The following PLEKHA6 variants were observed in gnomAD, a reference collection of about 807,000 sequenced individuals.
PLEKHA6 encodes pleckstrin homology domain containing A6, also known as pleckstrin homology domain-containing family A member 6.
In PLEKHA6, 60 loss-of-function variants were observed where a neutral mutation model predicts 116.7. The ratio of observed to expected loss-of-function variants is 0.51; its 90% CI spans 0.42 to 0.64. The LOEUF is 0.64. Among genes scored for constraint, PLEKHA6 ranks in the 30% least tolerant of loss-of-function variants. The probability of loss-of-function intolerance (pLI) is 0.00; values close to 1 mark genes in which losing one functional copy is unlikely to be tolerated. For missense variants in PLEKHA6, 1,338 were observed against 1,422.7 expected (o/e 0.94, Z 0.96); for synonymous variants, 489 against 556.1 (o/e 0.88, Z 1.70).
chr1:204,295,290 G>A (rs954425888), intron 1 of PLEKHA6, among the ~76,000 whole-genome samples: 1 of 152,072 alleles, frequency 6.6e-6, no homozygotes, highest in Non-Finnish European at 1.5e-5. Flanking sequence ...TGGAGTTCAA[G>A]TACAGCCTGG....
intron 9 of PLEKHA6, 30 bp from the exon 10 acceptor site, chr1:204,250,644 CA>C: frequency 6.6e-7 from 1 of 1,520,714 alleles, no homozygotes; most frequent in Non-Finnish European, 9.1e-7. Context: ...GTTACTGCAG[CA>C]GGGGCAGGAT....
intron 1 of PLEKHA6, among the ~76,000 whole-genome samples, chr1:204,315,536 G>A (rs1671826359): frequency 6.6e-6 from 1 of 152,064 alleles, no homozygotes; most frequent in African/African-American, 2.4e-5. Context: ...CCGTGTTAGG[G>A]CTGAGCTCAA....
At chr1:204,348,124 C>G (rs1035684281) in intron 1 of PLEKHA6, among the ~76,000 whole-genome samples, 10 of 152,188 alleles carry the variant, frequency 6.6e-5, no homozygotes, top group African/African-American at 2.4e-4. Context: ...AATAACAAAT[C>G]AAGAGCCTGG....
In PLEKHA6 at chr1:204,359,873, TG is replaced by T; in HGVS notation, c.-275del. The T allele has an allele frequency of 5.9e-6, 1 of 168,124 alleles. No homozygotes were observed. The highest frequency in any genetic ancestry group is 1.2e-5 in the Non-Finnish European group (1 of 82,464). 10.4% of individuals were successfully genotyped at this position (168,124 alleles called of 1,614,324 possible). A position where few individuals can be genotyped will look rare whatever the true frequency, so the allele number is the denominator to read the frequency against. Reference sequence around the variant, plus strand: ...GTCATCTCTCCGGCTGGCAGGTCCCTGGCGCAGGGAGAGGATGCTGTTGTGG... The same window carrying T: ...GTCATCTCTCCGGCTGGCAGGTCCCTGCGCAGGGAGAGGATGCTGTTGTGG... On this transcript the variant is annotated 5_prime_UTR_variant, in exon 1 of 23. The change creates a premature stop within an existing upstream ORF in the 5' untranslated region. Coordinates refer to ENST00000272203, the MANE Select transcript of PLEKHA6 (RefSeq NM_014935.5).
chr1:204,265,068 G>GGGGT (rs368865278), intron 5 of PLEKHA6, 26 bp from the exon 6 acceptor site: 2 of 1,308,878 alleles, frequency 1.5e-6, no homozygotes, highest in Non-Finnish European at 2.2e-6. Context: ...GCACAAGAAG[G>GGGGT]GTGTGTGTGT....
At chr1:204,338,076 C>A (rs1672716056) in intron 1 of PLEKHA6, among the ~76,000 whole-genome samples, 1 of 152,210 alleles carries the variant, frequency 6.6e-6, no homozygotes, top group Non-Finnish European at 1.5e-5. Context: ...AGAGGTTAAG[C>A]CTACAGAAGG....
rs1194660111 is a variant in PLEKHA6, at chr1:204,261,609, G to A, written c.382-161C>T. On this transcript the variant is annotated intron_variant, in intron 6 of 22. Transcript: ENST00000272203. The surrounding 1 kb of genome is among the most constrained non-coding windows in gnomAD (Gnocchi z 4.0). Reference sequence around the variant, plus strand: ...ATGCGGAGCTCAGGAGCAAGGTGAAGAGGGCAGCTTGCAGCTACCCCGAGG... The same window carrying A: ...ATGCGGAGCTCAGGAGCAAGGTGAAAAGGGCAGCTTGCAGCTACCCCGAGG... 4 of 767,968 alleles carry A rather than the reference G, an allele frequency of 5.2e-6. No homozygotes were observed. The highest frequency in any genetic ancestry group is 3.9e-4 in the Middle Eastern group (1 of 2,592). The allele number at this position is 767,968 out of a possible 1,614,324, so 47.6% of individuals were successfully genotyped here. A position where few individuals can be genotyped will look rare whatever the true frequency, so the allele number is the denominator to read the frequency against.
intron 1 of PLEKHA6, among the ~76,000 whole-genome samples, chr1:204,352,231 C>T (rs902143634): frequency 8.6e-5 from 13 of 151,516 alleles, no homozygotes; most frequent in African/African-American, 3.2e-4. Flanking sequence ...AAAATTAGCC[C>T]GGCATGGTGG....
chr1:204,359,650 T>C, intron 1 of PLEKHA6, 44 bp downstream of exon 1: 1 of 984,936 alleles, frequency 1.0e-6, no homozygotes, highest in Non-Finnish European at 1.2e-6. Context: ...AGCCCAGCCT[T>C]CCTCCTCCCA....
In PLEKHA6 at chr1:204,230,534, A is replaced by G; in HGVS notation, c.2462T>C (p.Val821Ala). The G allele has an allele frequency of 6.2e-7, 1 of 1,600,640 alleles. No individual in the cohort carries two copies. Among genetic ancestry groups the G allele is most frequent in the Non-Finnish European group, 8.5e-7 (1 of 1,173,988 alleles). The change falls in exon 18 of 23, where the codon GTG (valine) becomes GCG (alanine). Residue 821 changes from valine to alanine, a missense_variant. Val to Ala is a moderately conservative substitution (Grantham distance 64). Coordinates refer to ENST00000272203, the MANE Select transcript of PLEKHA6 (RefSeq NM_014935.5). ...FPGEGKVKMS[V>A]EEQIDRMRRH... ...CCGCATTCGGTCAATCTGCTCCTCCACGCTCATCTTGACCTTCCCCTCGCC... is the reference window on the plus strand; with the variant it reads ...CCGCATTCGGTCAATCTGCTCCTCCGCGCTCATCTTGACCTTCCCCTCGCC...
At chr1:204,372,913 CTTT>C (rs58973900) in intron 1 of PLEKHA6, among the ~76,000 whole-genome samples, 35 of 132,526 alleles carry the variant, frequency 2.6e-4, no homozygotes, top group Non-Finnish European at 2.0e-4. Flanking sequence ...CCCTGAAAAA[CTTT>C]TTTTTTTTTT....
At chr1:204,342,121 G>T (rs780870309) in intron 1 of PLEKHA6, among the ~76,000 whole-genome samples, 1 of 152,066 alleles carries the variant, frequency 6.6e-6, no homozygotes, top group Non-Finnish European at 1.5e-5. Context: ...GGAGGCAGAG[G>T]TTGCAGTGAG....
In PLEKHA6 at chr1:204,219,073, CAG is replaced by C. The variant is rs1459247063; in HGVS notation, c.*3713_*3714del. ...GATGCTACAGCTGTTTGTCCCCTGA[CAG>C]AGATTCCATCTATCTAACCTTCACC... On this transcript the variant is annotated 3_prime_UTR_variant, in exon 23 of 23. Transcript: ENST00000272203. The C allele has an allele frequency of 6.6e-6, 1 of 152,530 alleles. No homozygotes were observed. The highest frequency in any genetic ancestry group is 1.5e-5 in the Non-Finnish European group (1 of 68,014). 9.4% of individuals were successfully genotyped at this position (152,530 alleles called of 1,614,324 possible). A position where few individuals can be genotyped will look rare whatever the true frequency, so the allele number is the denominator to read the frequency against.
At chr1:204,275,730 C>G (rs1162714378) in intron 1 of PLEKHA6, 2 of 984,764 alleles carry the variant, frequency 2.0e-6, no homozygotes, top group Non-Finnish European at 2.4e-6. Flanking sequence ...ATAATGGCAA[C>G]CCCCAAGATG....
chr1:204,363,074 C>T (rs1673591485), upstream of PLEKHA6, among the ~76,000 whole-genome samples: 1 of 152,226 alleles, frequency 6.6e-6, no homozygotes, highest in Non-Finnish European at 1.5e-5. Flanking sequence ...AGAACTGCTG[C>T]CCCAGCACTC....
chr1:204,370,192 C>T (rs1673747042), intron 2 of PLEKHA6, among the ~76,000 whole-genome samples: 1 of 152,234 alleles, frequency 6.6e-6, no homozygotes, highest in South Asian at 2.1e-4. Flanking sequence ...TTCAATGTTT[C>T]TACCATAAAA....
At chr1:204,356,572 ATAATAATAATAT>A (rs368833338) in intron 1 of PLEKHA6, among the ~76,000 whole-genome samples, 2,707 of 148,766 alleles carry the variant, frequency 0.018, 27 homozygotes, top group Middle Eastern at 0.045. Context: ...GTCTCAAATA[ATAATAATAATAT>A]TAATAATAAT....
rs765232880 is a variant in PLEKHA6 at position 204,247,470 on chromosome 1, A to T, written c.1825-10T>A. On this transcript the variant is annotated splice_polypyrimidine_tract_variant and intron_variant, in intron 12 of 22. Coordinates refer to ENST00000272203, the MANE Select transcript of PLEKHA6 (RefSeq NM_014935.5). Reference sequence around the variant, plus strand: ...TGCTGTTTGTCAGGGCCTACGGGGGAAAGAGGCGTTCACTGAGAAAGCCGC... The same window carrying T: ...TGCTGTTTGTCAGGGCCTACGGGGGTAAGAGGCGTTCACTGAGAAAGCCGC... 2 of 1,591,038 alleles carry T rather than the reference A, an allele frequency of 1.3e-6. No homozygotes were observed. The highest frequency in any genetic ancestry group is 4.5e-5 in the East Asian group (2 of 44,686).
In PLEKHA6 at chr1:204,273,627, C is replaced by T. The variant is rs200960445; in HGVS notation, c.101G>A (p.Arg34Gln). 28 of 1,611,440 alleles carry T rather than the reference C, an allele frequency of 1.7e-5. No individual in the cohort carries two copies. The East Asian group carries it at 4.5e-4, about 26-fold the overall frequency. ...GCTTGCCTTGAGGGCTGGACTTACC[C>T]GGACGCTGGGCCGCTCTGGAGGGAC... is the stretch of plus-strand genomic sequence containing the variant. ...SEVPPERPSV[R>Q]ATRTARKAVA... The change falls in exon 3 of 23, where the codon CGG becomes CAG. Residue 34 changes from arginine (R) to glutamine (Q), a missense_variant and splice_region_variant. This residue lies in a region of PLEKHA6 where 62 missense variants were observed against 61.7 expected (regional missense o/e 1.01). Coordinates refer to ENST00000272203, the MANE Select transcript of PLEKHA6 (RefSeq NM_014935.5).
Sources: gnomAD v4.1 joint callset for allele counts (sites outside exome capture counted in the v4.1 genomes callset) on GRCh38, gnomAD v4.1.1 for gene constraint, gnomAD v4.1.1 regional missense constraint, Gnocchi (gnomAD v3.1) non-coding constraint, MANE v1.5 for transcripts, NCBI Gene and HGNC (gene_info 2026-07-23, HGNC 2026-07-21) for gene names.